The following PHACTR1 variants were observed in gnomAD, a reference collection of about 807,000 sequenced individuals.
PHACTR1 encodes RPEL repeat containing 1.
In PHACTR1, 16 loss-of-function variants were observed where a neutral mutation model predicts 69.2. The ratio of observed to expected loss-of-function variants is 0.23; its 90% CI spans 0.16 to 0.35. PHACTR1 has a LOEUF of 0.35. PHACTR1 is among the 10% of genes least tolerant of loss of function. PHACTR1 has a pLI of 1.00. For synonymous variants in PHACTR1, 312 were observed against 284.5 expected (o/e 1.10, Z -0.97); for missense variants, 510 against 734.7 (o/e 0.69, Z 3.54).
intron 4 of PHACTR1, among the ~76,000 whole-genome samples, chr6:13,028,682 C>T (rs1260353028): frequency 6.6e-6 from 1 of 152,184 alleles, no homozygotes; most frequent in Non-Finnish European, 1.5e-5. Context: ...CATGCCTGGA[C>T]TCTACCCACT....
intron 4 of PHACTR1, among the ~76,000 whole-genome samples, chr6:12,839,120 C>T (rs1778448268): frequency 1.3e-5 from 2 of 152,152 alleles, no homozygotes; most frequent in African/African-American, 4.8e-5. Flanking sequence ...ACATGGCTAG[C>T]AAGTAGCAGG....
At chr6:13,062,619 T>C (rs1583187225) in intron 5 of PHACTR1, among the ~76,000 whole-genome samples, 1 of 152,308 alleles carries the variant, frequency 6.6e-6, no homozygotes, top group African/African-American at 2.4e-5. Context: ...GAAGAGTCTG[T>C]CCCTGGTGTC....
chr6:12,957,450 C>G (rs372415696), intron 4 of PHACTR1: 5 of 985,232 alleles, frequency 5.1e-6, no homozygotes, highest in East Asian at 2.3e-4. Context: ...TTGAAATGTT[C>G]CCTGTTTCTG....
intron 9 of PHACTR1, among the ~76,000 whole-genome samples, chr6:13,229,544 C>A (rs1429507036): frequency 6.6e-6 from 1 of 152,186 alleles, no homozygotes; most frequent in East Asian, 1.9e-4. Flanking sequence ...CACGTCCCCC[C>A]AGCTCCAGTG....
chr6:13,275,545 G>A lies in PHACTR1; in HGVS notation c.1447+2630G>A, dbSNP rs1778709070. The A allele has an allele frequency of 6.6e-6, 1 of 152,176 alleles. No homozygotes were observed. The highest frequency in any genetic ancestry group is 2.1e-4 in the South Asian group (1 of 4,824). 9.4% of individuals were successfully genotyped at this position (152,176 alleles called of 1,614,324 possible). A position where few individuals can be genotyped will look rare whatever the true frequency, so the allele number is the denominator to read the frequency against. On this transcript the variant is annotated intron_variant, in intron 11 of 14. Transcript: ENST00000332995. The surrounding 1 kb of genome is among the most constrained non-coding windows in gnomAD (Gnocchi z 4.0). ...GATGCCCGCCTTCACGGCTCTGAAG[G>A]GACCTGTAGGATCAGAAGTCTGAGG... is the stretch of plus-strand genomic sequence containing the variant.
At chr6:13,199,033 G>T (rs563031923) in intron 7 of PHACTR1, among the ~76,000 whole-genome samples, 2 of 152,098 alleles carry the variant, frequency 1.3e-5, no homozygotes, top group Non-Finnish European at 2.9e-5. Flanking sequence ...AACTCTGAAG[G>T]TGAGGCCCGG....
intron 4 of PHACTR1, among the ~76,000 whole-genome samples, chr6:12,994,397 C>G (rs1270355874): frequency 6.6e-6 from 1 of 152,142 alleles, no homozygotes; most frequent in Non-Finnish European, 1.5e-5. Flanking sequence ...AATGAGGCAC[C>G]CTGTCTGAAA....
chr6:13,103,317 T>C (rs1815493167), intron 5 of PHACTR1, among the ~76,000 whole-genome samples: 1 of 152,118 alleles, frequency 6.6e-6, no homozygotes, highest in Admixed American at 6.5e-5. Context: ...TGGATATAGG[T>C]GGTATCTGAA....
At chr6:12,924,322 A>G (rs1562016524) in intron 4 of PHACTR1, among the ~76,000 whole-genome samples, 1 of 152,232 alleles carries the variant, frequency 6.6e-6, no homozygotes. Context: ...TTTAAAGTAA[A>G]TGCAAACAAC....
chr6:12,905,014 G>T (rs988377482), intron 4 of PHACTR1, among the ~76,000 whole-genome samples: 1 of 152,186 alleles, frequency 6.6e-6, no homozygotes, highest in Non-Finnish European at 1.5e-5. Context: ...CCACTTGATG[G>T]TAGGGGAGGC....
At chr6:12,982,489 G>A (rs951961166) in intron 4 of PHACTR1, among the ~76,000 whole-genome samples, 23 of 152,128 alleles carry the variant, frequency 1.5e-4, no homozygotes. Flanking sequence ...AACCAGCCTG[G>A]CCAACATGGT....
intron 4 of PHACTR1, among the ~76,000 whole-genome samples, chr6:12,806,023 C>A (rs1014827958): frequency 2.0e-5 from 3 of 152,184 alleles, no homozygotes; most frequent in Non-Finnish European, 4.4e-5. Flanking sequence ...TCCCAAATCC[C>A]AATTTTATGG....
chr6:12,981,329 T>A (rs1795502690), intron 4 of PHACTR1, among the ~76,000 whole-genome samples: 1 of 152,222 alleles, frequency 6.6e-6, no homozygotes, highest in Admixed American at 6.5e-5. Context: ...CAAAGCAAGC[T>A]AATTGGAACT....
At chr6:13,218,993 CAG>C (rs1768180335) in intron 8 of PHACTR1, among the ~76,000 whole-genome samples, 1 of 151,916 alleles carries the variant, frequency 6.6e-6, no homozygotes, top group Non-Finnish European at 1.5e-5. Flanking sequence ...CTTAGTTTAA[CAG>C]AGTTAAAGAG....
chr6:13,160,043 A>G (rs540375193), intron 5 of PHACTR1, among the ~76,000 whole-genome samples, 161 bp from the exon 6 acceptor site: 91 of 152,372 alleles, frequency 6.0e-4, no homozygotes, highest in African/African-American at 2.2e-3. Flanking sequence ...GATAGTATCA[A>G]AACATATTAA....
chr6:12,785,237 G>A lies in PHACTR1; in HGVS notation c.250+35447G>A, dbSNP rs917355113. 3.9e-5 allele frequency among the ~76,000 whole-genome samples: 6 copies of A among 152,162 alleles called. No individual in the cohort carries two copies. In the South Asian group the frequency reaches 6.2e-4, roughly 16 times the overall value. ...CAGAGCTGCCATATAGACAAATACT[G>A]AACCTCACCAACAATAACTGTCATT... is the stretch of plus-strand genomic sequence containing the variant. On this transcript the variant is annotated intron_variant, in intron 4 of 14. Transcript: ENST00000332995.
intron 4 of PHACTR1, among the ~76,000 whole-genome samples, chr6:12,799,443 A>G (rs1344915438): frequency 1.3e-5 from 2 of 152,210 alleles, no homozygotes; most frequent in African/African-American, 2.4e-5. Context: ...ACTTTTCTTC[A>G]TGAAAAAGAA....
At chr6:12,767,757 A>G (rs1768822472) in intron 4 of PHACTR1, among the ~76,000 whole-genome samples, 2 of 152,330 alleles carry the variant, frequency 1.3e-5, no homozygotes, top group African/African-American at 4.8e-5. Flanking sequence ...CATACAGAGG[A>G]AAATGATTCA....
chr6:13,237,551 A>G (rs1466092260), intron 10 of PHACTR1, among the ~76,000 whole-genome samples: 1 of 152,230 alleles, frequency 6.6e-6, no homozygotes, highest in Non-Finnish European at 1.5e-5. Flanking sequence ...CGAGGAGACA[A>G]TGAGACAGGA....
Sources: gnomAD v4.1 joint callset for allele counts (sites outside exome capture counted in the v4.1 genomes callset) on GRCh38, gnomAD v4.1.1 for gene constraint, Gnocchi (gnomAD v3.1) non-coding constraint, MANE v1.5 for transcripts, NCBI Gene and HGNC (gene_info 2026-07-23, HGNC 2026-07-21) for gene names.